The following LAMA2 variants were observed in gnomAD, a reference collection of about 807,000 sequenced individuals.
LAMA2 encodes the protein laminin subunit alpha 2, also known as laminin subunit alpha-2.
In LAMA2, 269 loss-of-function variants were observed where a neutral mutation model predicts 364.8. That is an observed-to-expected ratio of 0.74 (90% confidence interval 0.67 to 0.82). The LOEUF (loss-of-function observed/expected upper bound fraction) is 0.82, where lower values mean the gene tolerates loss of function less well. LAMA2 is among the 40% of genes least tolerant of loss of function. The probability of loss-of-function intolerance (pLI) is 0.00; values close to 1 mark genes in which losing one functional copy is unlikely to be tolerated. For synonymous variants in LAMA2, 1,379 were observed against 1,370.6 expected, an observed-to-expected ratio of 1.01 and a Z score of -0.14; for missense variants, 3,807 against 3,873.2, an observed-to-expected ratio of 0.98 and a Z score of 0.45.
chr6:128,903,384 G>T (rs1455124000), intron 1 of LAMA2, among the ~76,000 whole-genome samples: 1 of 152,116 alleles, frequency 6.6e-6, no homozygotes. Context: ...AATGCATTAT[G>T]TGTGCTTTCA....
At chr6:129,018,765 T>A (rs1785236682) in intron 1 of LAMA2, among the ~76,000 whole-genome samples, 2 of 152,150 alleles carry the variant, frequency 1.3e-5, no homozygotes, top group Non-Finnish European at 2.9e-5. Context: ...ATCCTTCTAA[T>A]GTAATACTAT....
intron 12 of LAMA2, among the ~76,000 whole-genome samples, chr6:129,201,824 A>C (rs902947550): frequency 7.2e-5 from 11 of 152,326 alleles, no homozygotes; most frequent in African/African-American, 2.6e-4. Context: ...TGGCAAGAAA[A>C]TCATGTCAAG....
intron 3 of LAMA2, among the ~76,000 whole-genome samples, chr6:129,079,625 A>G (rs115593469): frequency 0.01 from 1,534 of 151,438 alleles, 31 homozygotes; most frequent in African/African-American, 0.036. Context: ...ATTTTCAGTC[A>G]TCGTTTCCCA....
chr6:129,177,796 G>A lies in LAMA2; in HGVS notation c.1397G>A (p.Cys466Tyr). Residue 466 changes from cysteine to tyrosine, a missense_variant, in exon 10 of 65, where the codon TGC (cysteine) becomes TAC (tyrosine). Around this residue, in one of 3 missense-constraint regions of LAMA2, gnomAD observed 3,333 missense variants for 3,345.7 expected, o/e 1.00. Transcript: ENST00000421865. Reference protein sequence around the residue: ...CARGYTGYPDCKACNCSGLGS... With the variant: ...CARGYTGYPDYKACNCSGLGS... ...AGGGGCTACACTGGCTACCCGGACT[G>A]CAAAGCCTGTAACTGCAGTGGGTTA... 1 of 1,613,988 alleles carries A rather than the reference G, an allele frequency of 6.2e-7. No individual in the cohort carries two copies. Among genetic ancestry groups the A allele is most frequent in the Non-Finnish European group, 8.5e-7 (1 of 1,179,930 alleles).
chr6:128,920,588 T>G (rs973983149), intron 1 of LAMA2, among the ~76,000 whole-genome samples: 3 of 152,006 alleles, frequency 2.0e-5, no homozygotes, highest in Admixed American at 6.6e-5. Flanking sequence ...TAACCATGTT[T>G]ATATCCTAGT....
At chr6:129,134,986 C>T (rs142872499) in intron 4 of LAMA2, among the ~76,000 whole-genome samples, 51 of 152,304 alleles carry the variant, frequency 3.3e-4, no homozygotes, top group African/African-American at 1.1e-3. Context: ...TGCCTCACTC[C>T]TGCCCCTTCT....
At chr6:129,389,356 G>A (rs539527614) in intron 35 of LAMA2, among the ~76,000 whole-genome samples, 12 of 152,234 alleles carry the variant, frequency 7.9e-5, no homozygotes, top group African/African-American at 2.9e-4. Flanking sequence ...ATTTGTGAAG[G>A]CTGAGAGGTC....
At chr6:129,428,321 C>T (rs974664502) in intron 41 of LAMA2, among the ~76,000 whole-genome samples, 1 of 152,114 alleles carries the variant, frequency 6.6e-6, no homozygotes, top group African/African-American at 2.4e-5. Context: ...ATAGGCATAG[C>T]TACTTGGAAG....
intron 1 of LAMA2, among the ~76,000 whole-genome samples, chr6:128,921,312 G>C (rs1778697953): frequency 6.6e-6 from 1 of 152,136 alleles, no homozygotes; most frequent in South Asian, 2.1e-4. Context: ...AAGCTGAAGT[G>C]GCATATCATT....
At chr6:128,926,797 G>T (rs1582696038) in intron 1 of LAMA2, among the ~76,000 whole-genome samples, 1 of 152,178 alleles carries the variant, frequency 6.6e-6, no homozygotes, top group Admixed American at 6.5e-5. Context: ...TAGTGTTAAA[G>T]CTCAGAGTTG....
intron 3 of LAMA2, among the ~76,000 whole-genome samples, chr6:129,090,761 T>A (rs1451533250): frequency 1.3e-5 from 2 of 152,216 alleles, no homozygotes; most frequent in African/African-American, 4.8e-5. Context: ...TAGATTGTGC[T>A]ATGTGCTTCC....
At position 129,514,307 on chromosome 6, in the gene LAMA2, T is replaced by A; in HGVS notation, c.8989-66T>A. ...TTTCCTAGAGACCTGATCATTTGTA[T>A]GTGTGAACCATCATGATACTTCTTT... On this transcript the variant is annotated intron_variant, in intron 63 of 64. Transcript: ENST00000421865. 8 of 1,109,320 alleles carry A rather than the reference T, an allele frequency of 7.2e-6. No individual in the cohort carries two copies. The South Asian group carries it at 1.0e-4, about 14-fold the overall frequency. The allele number at this position is 1,109,320 out of a possible 1,614,324, so 68.7% of individuals were successfully genotyped here. A position where few individuals can be genotyped will look rare whatever the true frequency, so the allele number is the denominator to read the frequency against.
intron 1 of LAMA2, among the ~76,000 whole-genome samples, chr6:128,886,741 G>A (rs925815193): frequency 5.3e-5 from 8 of 152,088 alleles, no homozygotes; most frequent in African/African-American, 7.2e-5. Flanking sequence ...CAAACAACCA[G>A]GTTTGAATTT....
At chr6:129,205,995 C>T (rs1782619249) in intron 12 of LAMA2, among the ~76,000 whole-genome samples, 1 of 150,126 alleles carries the variant, frequency 6.7e-6, no homozygotes, top group Admixed American at 6.6e-5. Flanking sequence ...TGCACTCCAG[C>T]CTGGGTGACA....
chr6:129,273,329 A>G (rs1343052718), intron 17 of LAMA2, among the ~76,000 whole-genome samples: 2 of 152,178 alleles, frequency 1.3e-5, no homozygotes, highest in African/African-American at 2.4e-5. Context: ...CTTGCATTTG[A>G]GGAAAGCAGA....
chr6:129,310,629 G>T (rs1187520977), intron 22 of LAMA2, among the ~76,000 whole-genome samples: 1 of 151,998 alleles, frequency 6.6e-6, no homozygotes, highest in Non-Finnish European at 1.5e-5. Flanking sequence ...ACAGTGAAAT[G>T]GAATTGTTAA....
At position 129,098,088 on chromosome 6, in the gene LAMA2, A is replaced by T. The variant is rs1466256303; in HGVS notation, c.397-85A>T. On this transcript the variant is annotated intron_variant, in intron 3 of 64. Transcript: ENST00000421865. Reference sequence around the variant, plus strand: ...TAGAATAAAATCTGAAATAAAATCTACTGTAGCATTTAGACTTATATTTGA... The same window carrying T: ...TAGAATAAAATCTGAAATAAAATCTTCTGTAGCATTTAGACTTATATTTGA... 3 of 1,342,438 alleles carry T rather than the reference A, an allele frequency of 2.2e-6. No individual in the cohort carries two copies. In the East Asian group the frequency reaches 6.9e-5, roughly 31 times the overall value. The allele number at this position is 1,342,438 out of a possible 1,614,324, so 83.2% of individuals were successfully genotyped here. A position where few individuals can be genotyped will look rare whatever the true frequency, so the allele number is the denominator to read the frequency against.
chr6:129,235,363 A>T (rs1784916840), intron 12 of LAMA2, among the ~76,000 whole-genome samples: 1 of 152,186 alleles, frequency 6.6e-6, no homozygotes, highest in Non-Finnish European at 1.5e-5. Context: ...GTCTCCCTTC[A>T]CTTATTCTGC....
chr6:129,502,975 C>A, intron 59 of LAMA2, 116 bp from the exon 60 acceptor site: 1 of 1,051,108 alleles, frequency 9.5e-7, no homozygotes, highest in Non-Finnish European at 1.5e-6. Flanking sequence ...AAGTCCTCAT[C>A]TCTGAGAAGG....
Sources: gnomAD v4.1 joint callset for allele counts (sites outside exome capture counted in the v4.1 genomes callset) on GRCh38, gnomAD v4.1.1 for gene constraint, gnomAD v4.1.1 regional missense constraint, MANE v1.5 for transcripts, NCBI Gene and HGNC (gene_info 2026-07-23, HGNC 2026-07-21) for gene names.